DOK6: variants seen among roughly 807,000 people sequenced by gnomAD.
The protein encoded by DOK6 is docking protein 6, also known as downstream of tyrosine kinase 6.
In DOK6, 22 loss-of-function variants were observed where a neutral mutation model predicts 44.0. The observed-to-expected ratio is 0.50, with a 90% confidence interval of 0.36 to 0.71. The LOEUF (loss-of-function observed/expected upper bound fraction) is 0.71. Among genes scored for constraint, DOK6 ranks in the 30% least tolerant of loss-of-function variants. The probability of loss-of-function intolerance (pLI) is 0.00; values close to 1 mark genes in which losing one functional copy is unlikely to be tolerated. For synonymous variants in DOK6, 166 were observed against 145.5 expected (o/e 1.14, Z -1.01); for missense variants, 340 against 416.4 (o/e 0.82, Z 1.60).
chr18:69,818,278 G>A (rs967141911), intron 7 of DOK6, among the ~76,000 whole-genome samples: 1 of 152,174 alleles, frequency 6.6e-6, no homozygotes, highest in African/African-American at 2.4e-5. Flanking sequence ...TCAACCAGGA[G>A]GGAGTGATGA....
At chr18:69,745,735 G>A (rs1335182624) in intron 6 of DOK6, among the ~76,000 whole-genome samples, 1 of 152,154 alleles carries the variant, frequency 6.6e-6, no homozygotes, top group Non-Finnish European at 1.5e-5. Flanking sequence ...GTTGAGTGAA[G>A]CACAATGATA....
intron 3 of DOK6, among the ~76,000 whole-genome samples, chr18:69,610,440 T>A (rs894422189): frequency 1.3e-5 from 2 of 152,018 alleles, no homozygotes; most frequent in Admixed American, 6.6e-5. Context: ...GGCAAAAAAA[T>A]TAGAAATATA....
rs567865983 is a variant in DOK6, at chr18:69,441,826, C to T, written c.66+40516C>T. On this transcript the variant is annotated intron_variant, in intron 1 of 7. Transcript: ENST00000382713. ...TGGCCCAGTGGTACAGGTAGAACAC[C>T]GGTGTGCATAATGTTACACAGAATG... is the stretch of plus-strand genomic sequence containing the variant. Among the ~76,000 whole-genome samples the T allele has an allele frequency of 2.6e-5, 4 of 152,096 alleles. No homozygotes were observed. The South Asian group carries it at 6.2e-4, about 24-fold the overall frequency.
At chr18:69,630,365 T>C (rs1410244954) in intron 3 of DOK6, among the ~76,000 whole-genome samples, 6 of 152,240 alleles carry the variant, frequency 3.9e-5, no homozygotes, top group Non-Finnish European at 5.9e-5. Flanking sequence ...AAAAAAGGAA[T>C]GTCCCACCTT....
At chr18:69,457,099 AT>A (rs1226410003) in intron 1 of DOK6, among the ~76,000 whole-genome samples, 1 of 152,108 alleles carries the variant, frequency 6.6e-6, no homozygotes, top group Admixed American at 6.5e-5. Context: ...TCTGTAGATT[AT>A]CTATTTACTA....
intron 2 of DOK6, among the ~76,000 whole-genome samples, chr18:69,578,068 A>AAAAT (rs138140938): frequency 0.052 from 7,885 of 151,988 alleles, 683 homozygotes; most frequent in African/African-American, 0.18. Flanking sequence ...AACGTAAAGT[A>AAAAT]AAATAAATAA....
intron 7 of DOK6, among the ~76,000 whole-genome samples, chr18:69,784,743 T>C (rs1025865537): frequency 6.6e-6 from 1 of 152,192 alleles, no homozygotes; most frequent in African/African-American, 2.4e-5. Context: ...ACAAGATAGA[T>C]AATTCTTGTT....
chr18:69,707,857 G>C (rs758688647), intron 5 of DOK6, among the ~76,000 whole-genome samples: 1 of 152,126 alleles, frequency 6.6e-6, no homozygotes, highest in African/African-American at 2.4e-5. Context: ...TAATTGTAGG[G>C]ACTCAGGAAA....
chr18:69,756,127 A>G (rs1342833188), intron 6 of DOK6, among the ~76,000 whole-genome samples: 8 of 152,208 alleles, frequency 5.3e-5, no homozygotes, highest in Non-Finnish European at 1.2e-4. Flanking sequence ...TGTTTAGACA[A>G]GTCCCATATG....
At chr18:69,750,673 G>A (rs12965305) in intron 6 of DOK6, among the ~76,000 whole-genome samples, 1 of 152,062 alleles carries the variant, frequency 6.6e-6, no homozygotes, top group African/African-American at 2.4e-5. Context: ...CAGCATGAAG[G>A]TTCCTCAAAC....
At chr18:69,771,367 C>T (rs1489994086) in intron 7 of DOK6, among the ~76,000 whole-genome samples, 1 of 151,960 alleles carries the variant, frequency 6.6e-6, no homozygotes, top group Non-Finnish European at 1.5e-5. Flanking sequence ...CAATTAAGGG[C>T]TGCATAATAT....
chr18:69,548,480 C>T (rs114694512), intron 1 of DOK6, among the ~76,000 whole-genome samples: 92 of 151,658 alleles, frequency 6.1e-4, no homozygotes, highest in African/African-American at 1.9e-3. Context: ...AGGCTGTGAA[C>T]CATATCCTGA....
intron 1 of DOK6, among the ~76,000 whole-genome samples, chr18:69,481,515 T>A (rs1980421086): frequency 6.6e-6 from 1 of 152,158 alleles, no homozygotes; most frequent in Non-Finnish European, 1.5e-5. Context: ...GAATGATGGT[T>A]TCCAGCTTCA....
At chr18:69,438,544 C>A (rs55946500) in intron 1 of DOK6, among the ~76,000 whole-genome samples, 37 of 152,236 alleles carry the variant, frequency 2.4e-4, no homozygotes, top group African/African-American at 8.9e-4. Flanking sequence ...TTTCAAACTC[C>A]CTGTTAATGT....
chr18:69,613,279 T>C (rs1048584299), intron 3 of DOK6, among the ~76,000 whole-genome samples: 4 of 152,162 alleles, frequency 2.6e-5, no homozygotes, highest in African/African-American at 9.7e-5. Flanking sequence ...GTGTGTAAAA[T>C]TGGTTATGGC....
intron 1 of DOK6, among the ~76,000 whole-genome samples, chr18:69,557,459 G>T (rs780017483): frequency 3.9e-5 from 6 of 152,154 alleles, no homozygotes; most frequent in Non-Finnish European, 8.8e-5. Flanking sequence ...TATCCTTTGT[G>T]TAAAATCACC....
intron 7 of DOK6, among the ~76,000 whole-genome samples, chr18:69,786,441 G>T (rs1399462758): frequency 1.3e-5 from 2 of 152,144 alleles, no homozygotes; most frequent in Non-Finnish European, 2.9e-5. Context: ...AATATAAAGA[G>T]TCAGCCTTAT....
intron 1 of DOK6, among the ~76,000 whole-genome samples, chr18:69,526,939 T>TATCCATAGATC (rs1981847632): frequency 6.6e-6 from 1 of 152,224 alleles, no homozygotes; most frequent in Non-Finnish European, 1.5e-5. Flanking sequence ...ATAGATCATT[T>TATCCATAGATC]ATTATCACAT....
intron 1 of DOK6, among the ~76,000 whole-genome samples, chr18:69,461,239 AC>A (rs1979778625): frequency 6.6e-6 from 1 of 152,168 alleles, no homozygotes; most frequent in African/African-American, 2.4e-5. Flanking sequence ...TATTAGAAGC[AC>A]TTGCAATCTT....
Sources: allele counts gnomAD v4.1 joint callset (sites outside exome capture counted in the v4.1 genomes callset), GRCh38; gene constraint gnomAD v4.1.1; transcripts MANE v1.5; gene names NCBI Gene and HGNC (gene_info 2026-07-23, HGNC 2026-07-21).